UBOX5: variants seen among roughly 807,000 people sequenced by gnomAD.
UBOX5 encodes the protein RING finger protein 37.
UBOX5 carries 28 observed loss-of-function variants against 39.0 expected under a neutral mutation model. The observed-to-expected ratio is 0.72, with a 90% CI of 0.53 to 0.98. UBOX5 has a LOEUF of 0.98. UBOX5 is among the 50% of genes least tolerant of loss of function. The pLI is 0.00. For synonymous variants in UBOX5, 283 were observed against 275.5 expected (o/e 1.03, Z -0.27); for missense variants, 585 against 674.4 (o/e 0.87, Z 1.47).
intron 1 of UBOX5, among the ~76,000 whole-genome samples, chr20:3,151,461 C>T (rs2066623984): frequency 6.6e-6 from 1 of 152,108 alleles, no homozygotes; most frequent in South Asian, 2.1e-4. Flanking sequence ...CTGCTGATCT[C>T]TGCTACACAC....
At chr20:3,118,676 G>A (rs2066311629) in intron 3 of UBOX5, among the ~76,000 whole-genome samples, 1 of 152,136 alleles carries the variant, frequency 6.6e-6, no homozygotes, top group Non-Finnish European at 1.5e-5. Context: ...GGAGGCTGAG[G>A]CAGGAGAATG....
chr20:3,135,861 T>C (rs2066467540), intron 1 of UBOX5: 2 of 152,106 alleles, frequency 1.3e-5, no homozygotes, highest in South Asian at 4.2e-4. Context: ...GTAGGCTGGT[T>C]ATGAAGTTCT....
chr20:3,152,681 G>A (rs2066643400), intron 1 of UBOX5, among the ~76,000 whole-genome samples: 1 of 152,128 alleles, frequency 6.6e-6, no homozygotes, highest in South Asian at 2.1e-4. Context: ...GCCAAGGTGG[G>A]CGGACCACTT....
At chr20:3,148,115 C>T in intron 1 of UBOX5, 5 of 1,614,028 alleles carry the variant, frequency 3.1e-6, no homozygotes, top group Non-Finnish European at 3.4e-6. Flanking sequence ...ACAGATGGTA[C>T]CAACCTCCTC....
At chr20:3,143,943 G>C (rs1264954959) in intron 1 of UBOX5, among the ~76,000 whole-genome samples, 1 of 152,152 alleles carries the variant, frequency 6.6e-6, no homozygotes, top group Non-Finnish European at 1.5e-5. Context: ...GGGTGACAGA[G>C]CGAGACCCTA....
intron 1 of UBOX5, among the ~76,000 whole-genome samples, chr20:3,125,682 AGCC>A (rs2066380829): frequency 1.4e-5 from 1 of 72,762 alleles, no homozygotes; most frequent in African/African-American, 5.7e-5. Flanking sequence ...TCTGCCCGGC[AGCC>A]GCCCCGTCTG....
chr20:3,114,289 C>A (rs2066276703), intron 4 of UBOX5, among the ~76,000 whole-genome samples: 1 of 151,898 alleles, frequency 6.6e-6, no homozygotes. Flanking sequence ...AGTCCAGGGC[C>A]AGAGCTGGTA....
At position 3,122,074 on chromosome 20, in the gene UBOX5, T is replaced by C; in HGVS notation, c.565A>G (p.Lys189Glu). 3.1e-6 allele frequency: 5 copies of C among 1,614,214 alleles called. No individual in the cohort carries two copies. The highest frequency in any genetic ancestry group is 4.2e-6 in the Non-Finnish European group (5 of 1,180,036). Residue 189 changes from lysine to glutamate, a missense_variant, in exon 3 of 5, where the codon AAG becomes GAG. Physicochemically the swap from Lys to Glu is moderately conservative, Grantham distance 56. Coordinates refer to ENST00000217173, the MANE Select transcript of UBOX5 (RefSeq NM_014948.4). ...HVTGGGIPCI[K>E]RLEVWGQPAK... ...GGCTGACCCCACACTTCCAACCGCT[T>C]GATACAAGGGATACCGCCGCCTGTC...
In UBOX5 at chr20:3,121,793, C is replaced by T. The variant is rs376368856; in HGVS notation, c.846G>A (p.Lys282=). Residue 282 remains lysine, a synonymous_variant, in exon 3 of 5, where the codon AAG becomes AAA. Coordinates refer to ENST00000217173, the MANE Select transcript of UBOX5 (RefSeq NM_014948.4). Reference sequence around the variant, plus strand: ...TCTCCAGTGTGCTCTGGTCGATGACCTTGCCTGAGGGCAGCAGCATGGGAC... The same window carrying T: ...TCTCCAGTGTGCTCTGGTCGATGACTTTGCCTGAGGGCAGCAGCATGGGAC... ...MPCPMLLPSG[K]VIDQSTLEKC... is the part of the protein sequence containing the mutation. The T allele has an allele frequency of 3.7e-6, 6 of 1,614,070 alleles. No homozygotes were observed. In the African/African-American group the frequency reaches 6.7e-5, roughly 18 times the overall value.
At chr20:3,148,350 T>C (rs1012113845) in intron 1 of UBOX5, 2 of 1,614,028 alleles carry the variant, frequency 1.2e-6, no homozygotes, top group Non-Finnish European at 1.7e-6. Context: ...AGCTGATCCA[T>C]ATTCATCTCC....
chr20:3,119,353 G>T (rs912228315), intron 3 of UBOX5, among the ~76,000 whole-genome samples: 1 of 152,222 alleles, frequency 6.6e-6, no homozygotes, highest in Non-Finnish European at 1.5e-5. Flanking sequence ...TGCTTCCCCA[G>T]TTGATCCTTG....
At chr20:3,155,515 A>G (rs1036682918) in intron 1 of UBOX5, among the ~76,000 whole-genome samples, 4 of 152,084 alleles carry the variant, frequency 2.6e-5, no homozygotes, top group Non-Finnish European at 4.4e-5. Context: ...TGGGCAACAG[A>G]GCGAAACTCC....
chr20:3,123,630 A>C (rs1285517798), intron 1 of UBOX5, among the ~76,000 whole-genome samples: 2 of 152,172 alleles, frequency 1.3e-5, no homozygotes, highest in Non-Finnish European at 2.9e-5. Flanking sequence ...ACAGGTTGGC[A>C]AAGACTGCCA....
At chr20:3,131,931 C>G (rs2066431753) in intron 1 of UBOX5, among the ~76,000 whole-genome samples, 1 of 147,718 alleles carries the variant, frequency 6.8e-6, no homozygotes, top group African/African-American at 2.5e-5. Context: ...TCGCTTGAAC[C>G]TGGGAAGCAG....
chr20:3,123,193 A>C, intron 2 of UBOX5, 119 bp downstream of exon 2: 2 of 1,055,946 alleles, frequency 1.9e-6, no homozygotes, highest in South Asian at 2.8e-5. Flanking sequence ...GATGGAATCT[A>C]AAGTAACAAG....
intron 1 of UBOX5, among the ~76,000 whole-genome samples, chr20:3,145,956 G>A (rs1239445656): frequency 6.6e-6 from 1 of 151,672 alleles, no homozygotes; most frequent in Non-Finnish European, 1.5e-5. Context: ...TGAGGCAGGA[G>A]AACTGCCTGA....
In UBOX5 at chr20:3,122,566, C is replaced by A; in HGVS notation, c.73G>T (p.Glu25Ter). Residue 25 changes from glutamate (E) to a stop codon, truncating the protein, a stop_gained, in exon 3 of 5, where the codon GAA becomes TAA. Coordinates refer to ENST00000217173, the MANE Select transcript of UBOX5 (RefSeq NM_014948.4). LOFTEE classifies it high-confidence loss of function. ...TCTTCAGAGATGAGATTTTCTACTT[C>A]GTAACCATCAGCTGATATCTAGATT... ...HCNKISADGY[E>*]VENLISEDLT... 1 of 1,590,464 alleles carries A rather than the reference C, an allele frequency of 6.3e-7. No homozygotes were observed. Among genetic ancestry groups the A allele is most frequent in the Non-Finnish European group, 8.6e-7 (1 of 1,166,168 alleles).
chr20:3,122,324 A>C lies in UBOX5; in HGVS notation c.315T>G (p.Ala105=). 2 of 1,614,226 alleles carry C rather than the reference A, an allele frequency of 1.2e-6. No homozygotes were observed. Among genetic ancestry groups the C allele is most frequent in the Non-Finnish European group, 1.7e-6 (2 of 1,180,036 alleles). Reference sequence around the variant, plus strand: ...CCTCCTTGTCTGGGACAGATGGCTCAGCTGGGCCCAGGGTCCGGCACTGGG... The same window carrying C: ...CCTCCTTGTCTGGGACAGATGGCTCCGCTGGGCCCAGGGTCCGGCACTGGG... ...NTPQCRTLGP[A]EPSVPDKEAF... Residue 105 remains alanine, a synonymous_variant, in exon 3 of 5, where the codon GCT becomes GCG. Coordinates refer to ENST00000217173, the MANE Select transcript of UBOX5 (RefSeq NM_014948.4).
At position 3,149,316 on chromosome 20, in the gene UBOX5, T is replaced by C; in HGVS notation, c.-42+10450A>G. The C allele has an allele frequency of 2.0e-6, 1 of 499,752 alleles. No individual in the cohort carries two copies. The highest frequency in any genetic ancestry group is 3.6e-6 in the Non-Finnish European group (1 of 281,158). 31.0% of individuals were successfully genotyped at this position (499,752 alleles called of 1,614,324 possible). On this transcript the variant is annotated intron_variant, in intron 1 of 4. Coordinates refer to ENST00000217173, the MANE Select transcript of UBOX5 (RefSeq NM_014948.4). The surrounding 1 kb of genome is among the most constrained non-coding windows in gnomAD (Gnocchi z 4.1). ...CTTCTACCTATAAAAGCATCCAAAT[T>C]TACACATTATAAAAAACAGGTTGAA...
Sources: gnomAD v4.1 joint callset for allele counts (sites outside exome capture counted in the v4.1 genomes callset) on GRCh38, gnomAD v4.1.1 for gene constraint, Gnocchi (gnomAD v3.1) non-coding constraint, MANE v1.5 for transcripts, NCBI Gene and HGNC (gene_info 2026-07-23, HGNC 2026-07-21) for gene names.